The following DNAH17 variants were observed in gnomAD, a reference collection of about 807,000 sequenced individuals.
The protein encoded by DNAH17 is axonemal beta dynein heavy chain 17.
Under a neutral mutation model 485.6 loss-of-function variants are expected in DNAH17, and 376 were observed. The observed-to-expected ratio is 0.77, with a 90% CI of 0.71 to 0.84. The LOEUF (loss-of-function observed/expected upper bound fraction) is 0.84, where lower values mean the gene tolerates loss of function less well. Ranked by LOEUF, DNAH17 falls within the 40% of genes least tolerant of loss-of-function variation. The pLI is 0.00. For synonymous variants in DNAH17, 3,031 were observed against 2,405.9 expected (o/e 1.26, Z -7.60); for missense variants, 6,370 against 5,839.3 (o/e 1.09, Z -2.96).
At chr17:78,484,813 C>A in intron 48 of DNAH17, 55 bp downstream of exon 48, 1 of 1,421,452 alleles carries the variant, frequency 7.0e-7, no homozygotes. Context: ...CCGCCCTGGC[C>A]CCGCCCTCAC....
chr17:78,475,065 T>C (rs1024834878), intron 54 of DNAH17, among the ~76,000 whole-genome samples: 16 of 149,608 alleles, frequency 1.1e-4, no homozygotes, highest in African/African-American at 3.9e-4. Flanking sequence ...GGCTGGAAGG[T>C]TTCACACTCT....
At chr17:78,510,053 A>T (rs2090591332) in intron 27 of DNAH17, among the ~76,000 whole-genome samples, 1 of 152,122 alleles carries the variant, frequency 6.6e-6, no homozygotes, top group Admixed American at 6.5e-5. Flanking sequence ...GTGGTGGTGC[A>T]CACCTGTAAT....
rs181711890 is a variant in DNAH17 at position 78,436,274 on chromosome 17, A to G, written c.12033+1367T>C. Among the ~76,000 whole-genome samples, 344 of 152,214 alleles carry G rather than the reference A, an allele frequency of 2.3e-3. 2 individuals are homozygous for G. The highest frequency in any genetic ancestry group is 0.021 in the Admixed American group (320 of 15,282). Reference sequence around the variant, plus strand: ...AAACCCCATCTCTACTAAAAATACAAAAAACTAGCCAGGAGTGGTGGTGGG... The same window carrying G: ...AAACCCCATCTCTACTAAAAATACAGAAAACTAGCCAGGAGTGGTGGTGGG... On this transcript the variant is annotated intron_variant, in intron 74 of 80. Transcript: ENST00000389840.
chr17:78,429,783 C>A (rs2086610229), intron 75 of DNAH17, among the ~76,000 whole-genome samples: 1 of 152,232 alleles, frequency 6.6e-6, no homozygotes, highest in East Asian at 1.9e-4. Context: ...GTGCCGTCAA[C>A]CTTTTGGCCA....
In DNAH17 at chr17:78,444,545, C is replaced by G. The variant is rs1423502164; in HGVS notation, c.11528+59G>C. ...AGAGAGTCTAGCACAGCCGCTCGGT[C>G]AAGCTTCCATCAGGCCTGGGCCTCG... On this transcript the variant is annotated intron_variant, in intron 71 of 80. Coordinates refer to ENST00000389840, the MANE Select transcript of DNAH17 (RefSeq NM_173628.4). 4.7e-6 allele frequency: 7 copies of G among 1,477,588 alleles called. No individual in the cohort carries two copies. In the African/African-American group the frequency reaches 8.6e-5, roughly 18 times the overall value. 91.5% of individuals were successfully genotyped at this position (1,477,588 alleles called of 1,614,324 possible).
At position 78,441,196 on chromosome 17, in the gene DNAH17, G is replaced by T. The variant is rs1247078618; in HGVS notation, c.11532C>A (p.Asn3844Lys). The change falls in exon 72 of 81, where the codon AAC (asparagine) becomes AAA (lysine). Residue 3844 changes from asparagine to lysine, a missense_variant. Asn to Lys is a moderately conservative substitution (Grantham distance 94, BLOSUM62 0). Transcript: ENST00000389840. ...RPDRMTYAIK[N>K]FVEEKMGSKF... ...TGCTGCCCATCTTTTCCTCCACGAA[G>T]TTCCTAGGGGTGGAGTGCATCAGAG... 6.2e-7 allele frequency: 1 copy of T among 1,613,634 alleles called. No individual in the cohort carries two copies. Among genetic ancestry groups the T allele is most frequent in the Non-Finnish European group, 8.5e-7 (1 of 1,179,860 alleles).
At chr17:78,526,051 C>T (rs2091061780) in intron 24 of DNAH17, among the ~76,000 whole-genome samples, 1 of 152,224 alleles carries the variant, frequency 6.6e-6, no homozygotes, top group Admixed American at 6.5e-5. Flanking sequence ...CACTGGGCCC[C>T]AAGAGGCCCC....
rs537524440 is a variant in DNAH17, at chr17:78,486,704, G to A, written c.6819-198C>T. Among the ~76,000 whole-genome samples the A allele has an allele frequency of 6.6e-5, 10 of 152,364 alleles. No individual in the cohort carries two copies. In the East Asian group the frequency reaches 1.9e-3, roughly 29 times the overall value. The stretch of plus-strand genomic sequence containing the variant: ...GGCCCTGAAAGGGTCGGAGGAGGAT[G>A]CCAGGGTCGTGGGGGCTGTGCCCTC... On this transcript the variant is annotated intron_variant, in intron 44 of 80. Coordinates refer to ENST00000389840, the MANE Select transcript of DNAH17 (RefSeq NM_173628.4).
Position 78,507,758 on chromosome 17 carries a change from G to A in DNAH17, c.4284C>T (p.His1428=), listed in dbSNP as rs375092080. ...TGGTGCCTGTCCGCGGGTGCGGCTC[G>A]TGCTGGAATTCCATCATGCTCCAGG... ...DSTWSMMEFQ[H]EPHPRTGTMM... The change falls in exon 28 of 81, where the codon CAC becomes CAT. Residue 1428 remains histidine, a synonymous_variant. Coordinates refer to ENST00000389840, the MANE Select transcript of DNAH17 (RefSeq NM_173628.4). The A allele has an allele frequency of 2.7e-4, 427 of 1,586,730 alleles. 2 individuals carry two copies. In the African/African-American group the frequency reaches 2.8e-3, roughly 10 times the overall value.
At chr17:78,508,297 C>T (rs1363264891) in intron 27 of DNAH17, among the ~76,000 whole-genome samples, 4 of 152,156 alleles carry the variant, frequency 2.6e-5, no homozygotes, top group South Asian at 2.1e-4. Flanking sequence ...CAGAATGAAA[C>T]GATCATTCTC....
intron 51 of DNAH17, among the ~76,000 whole-genome samples, chr17:78,478,128 G>A (rs370275494): frequency 4.3e-4 from 57 of 132,998 alleles, no homozygotes; most frequent in Middle Eastern, 5.7e-3. Context: ...TCACCACCAC[G>A]TGGCATCATC....
intron 51 of DNAH17, 37 bp downstream of exon 51, chr17:78,478,988 G>A (rs373571826): frequency 3.4e-5 from 54 of 1,586,412 alleles, no homozygotes; most frequent in Middle Eastern, 3.3e-4. Context: ...GCACTGGACC[G>A]TAAGGCAGGC....
rs201143998 is a variant in DNAH17 at position 78,479,080 on chromosome 17, G to T, written c.7937C>A (p.Thr2646Lys). The T allele has an allele frequency of 6.2e-7, 1 of 1,613,974 alleles. No individual in the cohort carries two copies. Among genetic ancestry groups the T allele is most frequent in the Admixed American group, 1.7e-5 (1 of 60,018 alleles). ...HQKITATFLP[T>K]AIKFHYVFNL... ...GAAGACATAATGAAACTTAATGGCC[G>T]TGGGAAGAAATGTTGCCGTGATTTT... The change falls in exon 51 of 81, where the codon ACG becomes AAG. Residue 2646 changes from threonine (T) to lysine (K), a missense_variant. Physicochemically the swap from Thr to Lys is moderately conservative, Grantham distance 78. Coordinates refer to ENST00000389840, the MANE Select transcript of DNAH17 (RefSeq NM_173628.4).
chr17:78,460,382 G>C, intron 58 of DNAH17, 125 bp from the exon 59 acceptor site: 1 of 758,468 alleles, frequency 1.3e-6, no homozygotes, highest in Non-Finnish European at 2.1e-6. Context: ...GAGTGTATGT[G>C]TGCATATATG....
At chr17:78,484,224 C>T (rs1404768819) in intron 48 of DNAH17, among the ~76,000 whole-genome samples, 1 of 151,908 alleles carries the variant, frequency 6.6e-6, no homozygotes, top group Non-Finnish European at 1.5e-5. Flanking sequence ...CACTCTGTCC[C>T]GAGGCCCTGG....
intron 44 of DNAH17, among the ~76,000 whole-genome samples, chr17:78,490,258 CAGG>C (rs1051029189): frequency 2.0e-5 from 3 of 152,240 alleles, no homozygotes; most frequent in African/African-American, 7.2e-5. Flanking sequence ...ATGCTCTGGC[CAGG>C]AGAACCCGAC....
chr17:78,458,538 A>T (rs2087920487), intron 62 of DNAH17, 27 bp downstream of exon 62: 3 of 1,582,196 alleles, frequency 1.9e-6, no homozygotes, highest in Non-Finnish European at 1.7e-6. Flanking sequence ...TGAGAGCAGG[A>T]GGGTGGTCTC....
intron 1 of DNAH17, among the ~76,000 whole-genome samples, chr17:78,575,546 G>A (rs1420906300): frequency 2.6e-5 from 4 of 152,176 alleles, no homozygotes; most frequent in South Asian, 2.1e-4. Context: ...CAGACCCCAC[G>A]TGCAGGCCGT....
intron 72 of DNAH17, among the ~76,000 whole-genome samples, chr17:78,440,504 C>T (rs541011067): frequency 3.9e-5 from 6 of 152,230 alleles, no homozygotes; most frequent in African/African-American, 1.4e-4. Flanking sequence ...AAGCGATCCG[C>T]CCACCCTGGC....
Sources: allele counts gnomAD v4.1 joint callset (sites outside exome capture counted in the v4.1 genomes callset), GRCh38; gene constraint gnomAD v4.1.1; transcripts MANE v1.5; gene names NCBI Gene and HGNC (gene_info 2026-07-23, HGNC 2026-07-21).